Variants in TMEM132D observed in about 807,000 individuals in gnomAD.
The protein encoded by TMEM132D is transmembrane protein 132D, also known as mature OL transmembrane protein.
TMEM132D carries 21 observed loss-of-function variants against 62.3 expected under a neutral mutation model. The ratio of observed to expected loss-of-function variants is 0.34; its 90% CI spans 0.24 to 0.49. The LOEUF is 0.49. Ranked by LOEUF, TMEM132D falls within the 20% of genes least tolerant of loss-of-function variation. The probability of loss-of-function intolerance (pLI) is 0.99; values close to 1 mark genes in which losing one functional copy is unlikely to be tolerated. For missense variants in TMEM132D, 1,346 were observed against 1,402.8 expected, an observed-to-expected ratio of 0.96 and a Z score of 0.65; for synonymous variants, 621 against 575.6, an observed-to-expected ratio of 1.08 and a Z score of -1.13.
intron 1 of TMEM132D, among the ~76,000 whole-genome samples, chr12:129,858,980 G>T: frequency 8.4e-6 from 1 of 119,730 alleles, no homozygotes; most frequent in African/African-American, 3.4e-5. Flanking sequence ...GAACGGGATG[G>T]GTGCCCTTGG....
At position 129,103,945 on chromosome 12, in the gene TMEM132D, T is replaced by A. The variant is rs1247259565; in HGVS notation, c.1444-19243A>T. ...TGCTCGTGGGTAGGAATAATCAATA[T>A]CTTGAAAATGGCCATACTGCCCAAG... is the stretch of plus-strand genomic sequence containing the variant. On this transcript the variant is annotated intron_variant, in intron 5 of 8. Coordinates refer to ENST00000422113, the MANE Select transcript of TMEM132D (RefSeq NM_133448.3). 2.0e-5 allele frequency among the ~76,000 whole-genome samples: 3 copies of A among 152,044 alleles called. No individual in the cohort carries two copies. In the East Asian group the frequency reaches 5.8e-4, roughly 29 times the overall value.
chr12:129,851,148 T>C (rs1032835707), intron 1 of TMEM132D, among the ~76,000 whole-genome samples: 1 of 152,196 alleles, frequency 6.6e-6, no homozygotes, highest in African/African-American at 2.4e-5. Context: ...TGTAGCCAGG[T>C]AGATGTTCCT....
At chr12:129,670,533 C>T (rs757870124) in intron 2 of TMEM132D, among the ~76,000 whole-genome samples, 8 of 152,120 alleles carry the variant, frequency 5.3e-5, no homozygotes, top group South Asian at 2.1e-4. Context: ...CCTCGACTCC[C>T]TGTGATTTCA....
At chr12:129,866,709 C>T (rs374822167) in intron 1 of TMEM132D, among the ~76,000 whole-genome samples, 7 of 151,970 alleles carry the variant, frequency 4.6e-5, no homozygotes, top group African/African-American at 9.7e-5. Flanking sequence ...GCAAACAGTA[C>T]GTAGGCTCTT....
intron 2 of TMEM132D, among the ~76,000 whole-genome samples, chr12:129,640,812 G>A (rs761682869): frequency 2.6e-5 from 4 of 152,090 alleles, no homozygotes; most frequent in Non-Finnish European, 2.9e-5. Context: ...ACTCCCCAAC[G>A]CTCACATTAC....
intron 2 of TMEM132D, among the ~76,000 whole-genome samples, chr12:129,548,565 A>C (rs1876803257): frequency 6.6e-6 from 1 of 152,162 alleles, no homozygotes; most frequent in South Asian, 2.1e-4. Context: ...GACCTAGGTA[A>C]TGGCCTGTTC....
intron 5 of TMEM132D, among the ~76,000 whole-genome samples, chr12:129,126,356 CTCTTT>C (rs1055095838): frequency 7.3e-6 from 1 of 137,818 alleles, no homozygotes; most frequent in African/African-American, 2.6e-5. Context: ...CAGTTTCTCT[CTCTTT>C]TTTTTTTTTT....
intron 1 of TMEM132D, among the ~76,000 whole-genome samples, chr12:129,849,176 A>C (rs1357704018): frequency 1.3e-5 from 2 of 152,214 alleles, no homozygotes; most frequent in Non-Finnish European, 2.9e-5. Context: ...ACAAAGGGAC[A>C]TCTCAGAGCT....
chr12:129,441,924 C>G (rs556911489), intron 3 of TMEM132D, among the ~76,000 whole-genome samples: 11 of 152,098 alleles, frequency 7.2e-5, no homozygotes, highest in Non-Finnish European at 1.6e-4. Context: ...CTTATGAGAG[C>G]GGTGCACTGG....
rs554504053 is a variant in TMEM132D at position 129,227,865 on chromosome 12, T to TG, written c.1300-18203dup. Among the ~76,000 whole-genome samples, 50 of 152,300 alleles carry TG rather than the reference T, an allele frequency of 3.3e-4. 1 individual carries two copies. The South Asian group carries it at 1.0e-2, about 30-fold the overall frequency. On this transcript the variant is annotated intron_variant, in intron 4 of 8. Transcript: ENST00000422113. ...TATGCGGTGTTTGGTTTTTTGTCCT[T>TG]GCGATAGTTTGCTGAGAATGATGGT...
chr12:129,785,909 A>G (rs1401808737), intron 1 of TMEM132D, among the ~76,000 whole-genome samples: 1 of 152,208 alleles, frequency 6.6e-6, no homozygotes, highest in African/African-American at 2.4e-5. Context: ...ACATAATTTT[A>G]TCACTCGAAA....
chr12:129,734,809 C>T (rs1869374260), intron 1 of TMEM132D, among the ~76,000 whole-genome samples: 3 of 151,996 alleles, frequency 2.0e-5, no homozygotes. Flanking sequence ...AAGTAGCCTC[C>T]TACTGAAAGC....
intron 5 of TMEM132D, among the ~76,000 whole-genome samples, chr12:129,136,375 C>T (rs921673693): frequency 2.0e-5 from 3 of 152,100 alleles, no homozygotes; most frequent in African/African-American, 7.2e-5. Flanking sequence ...GGGGCTGTTC[C>T]TCAGTCTTTC....
At chr12:129,219,184 C>A (rs181088690) in intron 4 of TMEM132D, among the ~76,000 whole-genome samples, 204 of 152,156 alleles carry the variant, frequency 1.3e-3, no homozygotes, top group African/African-American at 4.5e-3. Flanking sequence ...ATGGGAGGGA[C>A]CTGGTAGGAG....
At chr12:129,839,771 C>T (rs1486422642) in intron 1 of TMEM132D, among the ~76,000 whole-genome samples, 1 of 152,180 alleles carries the variant, frequency 6.6e-6, no homozygotes, top group African/African-American at 2.4e-5. Context: ...AGAATAGGAG[C>T]TTCAACAGAG....
chr12:129,295,456 A>G (rs1483962099), intron 4 of TMEM132D, among the ~76,000 whole-genome samples: 2 of 124,282 alleles, frequency 1.6e-5, no homozygotes, highest in Admixed American at 9.6e-5. Flanking sequence ...TTGAGACAGT[A>G]TCTCGTCCTT....
intron 1 of TMEM132D, among the ~76,000 whole-genome samples, chr12:129,814,259 T>C (rs778074399): frequency 6.6e-6 from 1 of 152,160 alleles, no homozygotes; most frequent in Non-Finnish European, 1.5e-5. Flanking sequence ...ACCACTGAAC[T>C]GTACACTTAA....
At chr12:129,305,469 T>C (rs1881826328) in intron 4 of TMEM132D, among the ~76,000 whole-genome samples, 2 of 151,964 alleles carry the variant, frequency 1.3e-5, no homozygotes, top group Admixed American at 1.3e-4. Context: ...TTAGTTACAA[T>C]GCAAAGGTAA....
At chr12:129,575,754 ATTTTTTTTTTTTTTTTTTTTTTT>A (rs71082736) in intron 2 of TMEM132D, among the ~76,000 whole-genome samples, 1 of 13,972 alleles carries the variant, frequency 7.2e-5, no homozygotes, top group African/African-American at 3.4e-4. Context: ...AGATAGATAC[ATTTTTTTTTTTTTTTTTTTTTTT>A]TTTTTTTTTT....
Sources: allele counts gnomAD v4.1 joint callset (sites outside exome capture counted in the v4.1 genomes callset), GRCh38; gene constraint gnomAD v4.1.1; transcripts MANE v1.5; gene names NCBI Gene and HGNC (gene_info 2026-07-23, HGNC 2026-07-21).